TIAM1: variants seen among roughly 807,000 people sequenced by gnomAD.
The protein encoded by TIAM1 is rho guanine nucleotide exchange factor TIAM1.
Under a neutral mutation model 163.5 loss-of-function variants are expected in TIAM1, and 65 were observed. The observed-to-expected ratio is 0.40, with a 90% CI of 0.33 to 0.49. The LOEUF (loss-of-function observed/expected upper bound fraction) is 0.49, where lower values mean the gene tolerates loss of function less well. TIAM1 is among the 20% of genes least tolerant of loss of function. TIAM1 has a pLI of 0.77. For synonymous variants in TIAM1, 833 were observed against 810.1 expected, an observed-to-expected ratio of 1.03 and a Z score of -0.48; for missense variants, 1,789 against 2,044.7, an observed-to-expected ratio of 0.87 and a Z score of 2.41.
At chr21:31,336,222 G>A (rs984583043) in intron 2 of TIAM1, among the ~76,000 whole-genome samples, 2 of 152,160 alleles carry the variant, frequency 1.3e-5, no homozygotes, top group Admixed American at 6.5e-5. Flanking sequence ...GTTATCTTTC[G>A]AATGGGGACA....
intron 1 of TIAM1, among the ~76,000 whole-genome samples, chr21:31,506,471 T>C (rs2047032397): frequency 6.6e-6 from 1 of 152,196 alleles, no homozygotes; most frequent in Non-Finnish European, 1.5e-5. Flanking sequence ...AAACTGAAAG[T>C]CTATACCCGT....
At chr21:31,285,191 C>CCA (rs2073750108) in intron 2 of TIAM1, among the ~76,000 whole-genome samples, 2 of 151,616 alleles carry the variant, frequency 1.3e-5, no homozygotes, top group African/African-American at 4.9e-5. Context: ...AAGCCACCCC[C>CCA]CCAAGCCAAT....
At chr21:31,428,788 T>A (rs1602255895) in intron 2 of TIAM1, among the ~76,000 whole-genome samples, 1 of 148,036 alleles carries the variant, frequency 6.8e-6, no homozygotes, top group South Asian at 2.2e-4. Context: ...GAGGCTGAGG[T>A]GGGAGGCCTT....
intron 1 of TIAM1, among the ~76,000 whole-genome samples, chr21:31,549,568 C>T (rs567306641): frequency 9.2e-5 from 14 of 152,252 alleles, no homozygotes; most frequent in African/African-American, 3.4e-4. Flanking sequence ...ATGTTCTGTT[C>T]AATGACATTA....
rs1208479478 is a variant in TIAM1 at position 31,395,488 on chromosome 21, T to C, written c.-368-56066A>G. Reference sequence around the variant, plus strand: ...GAGGGGCCCTCGGAGACCGAGGTCATCTAAACACAGCCAATCACCAGATAC... The same window carrying C: ...GAGGGGCCCTCGGAGACCGAGGTCACCTAAACACAGCCAATCACCAGATAC... On this transcript the variant is annotated intron_variant, in intron 2 of 28. Transcript: ENST00000286827. This position sits in a 1 kb window ranked among gnomAD's most constrained non-coding sequence, Gnocchi z 7.5. Among the ~76,000 whole-genome samples, 1 of 152,092 alleles carries C rather than the reference T, an allele frequency of 6.6e-6. No homozygotes were observed. The highest frequency in any genetic ancestry group is 6.6e-5 in the Admixed American group (1 of 15,266).
chr21:31,306,345 A>T (rs1204540450), intron 2 of TIAM1, among the ~76,000 whole-genome samples: 2 of 152,206 alleles, frequency 1.3e-5, no homozygotes, highest in Non-Finnish European at 2.9e-5. Flanking sequence ...TAAAATAGGA[A>T]ACTACAAGTC....
intron 2 of TIAM1, among the ~76,000 whole-genome samples, chr21:31,320,104 G>A (rs1006602678): frequency 2.6e-5 from 4 of 152,050 alleles, no homozygotes; most frequent in Non-Finnish European, 5.9e-5. Flanking sequence ...ATGCTTACAT[G>A]TATATAAACA....
chr21:31,254,826 T>C (rs932384843), intron 4 of TIAM1, among the ~76,000 whole-genome samples: 1 of 152,014 alleles, frequency 6.6e-6, no homozygotes, highest in Non-Finnish European at 1.5e-5. Context: ...AGCTAAAACC[T>C]GCAAGTGCAA....
chr21:31,162,678 G>GTCTC (rs1385054920), intron 16 of TIAM1, among the ~76,000 whole-genome samples: 1 of 140,608 alleles, frequency 7.1e-6, no homozygotes, highest in African/African-American at 2.7e-5. Flanking sequence ...GTCCCACACT[G>GTCTC]TCTCCCAGGC....
At chr21:31,355,241 G>C (rs1016569508) in intron 2 of TIAM1, among the ~76,000 whole-genome samples, 1 of 150,528 alleles carries the variant, frequency 6.6e-6, no homozygotes, top group African/African-American at 2.4e-5. Context: ...CACACACACA[G>C]ATACTACTGA....
intron 1 of TIAM1, among the ~76,000 whole-genome samples, chr21:31,465,407 T>C (rs897265242): frequency 1.3e-5 from 2 of 151,930 alleles, no homozygotes; most frequent in African/African-American, 2.4e-5. Context: ...GCTAATATAT[T>C]CTCTTAATAA....
At chr21:31,533,900 C>T (rs1029432702) in intron 1 of TIAM1, among the ~76,000 whole-genome samples, 2 of 152,138 alleles carry the variant, frequency 1.3e-5, no homozygotes, top group East Asian at 1.9e-4. Context: ...TGGAAATGTG[C>T]GGACAGGAGG....
intron 25 of TIAM1, among the ~76,000 whole-genome samples, chr21:31,127,474 G>A (rs1011384578): frequency 4.7e-5 from 7 of 150,326 alleles, no homozygotes; most frequent in Non-Finnish European, 8.9e-5. Context: ...GCCGGAGTGC[G>A]GTGGTGTGAT....
intron 2 of TIAM1, among the ~76,000 whole-genome samples, chr21:31,419,159 T>G (rs1262513104): frequency 1.3e-5 from 2 of 152,160 alleles, no homozygotes; most frequent in Non-Finnish European, 2.9e-5. Flanking sequence ...TTCAGTGAGA[T>G]TCACGTATGA....
chr21:31,204,601 C>G (rs2086357514), intron 11 of TIAM1, among the ~76,000 whole-genome samples: 1 of 152,166 alleles, frequency 6.6e-6, no homozygotes, highest in African/African-American at 2.4e-5. Context: ...TTAACGAACT[C>G]TTAGATACGC....
At chr21:31,447,940 C>T (rs1426991874) in intron 2 of TIAM1, among the ~76,000 whole-genome samples, 1 of 152,060 alleles carries the variant, frequency 6.6e-6, no homozygotes, top group African/African-American at 2.4e-5. Flanking sequence ...AGGCTGAAAG[C>T]AGGAGGGAAA....
intron 2 of TIAM1, among the ~76,000 whole-genome samples, chr21:31,300,980 A>G (rs1223232694): frequency 2.6e-5 from 4 of 152,254 alleles, no homozygotes; most frequent in Non-Finnish European, 5.9e-5. Context: ...CAAGAAAGGC[A>G]GCACCAAAAA....
upstream of TIAM1, among the ~76,000 whole-genome samples, chr21:31,345,791 A>C (rs951780478): frequency 2.0e-5 from 3 of 152,088 alleles, no homozygotes; most frequent in Non-Finnish European, 4.4e-5. Context: ...CTCTACTAAA[A>C]ATACAAAAAT....
chr21:31,440,059 T>C (rs1037662457), intron 2 of TIAM1, among the ~76,000 whole-genome samples: 2 of 152,096 alleles, frequency 1.3e-5, no homozygotes, highest in Non-Finnish European at 1.5e-5. Flanking sequence ...AGGGAAAAAA[T>C]AGTACTCATA....
Sources: gnomAD v4.1 joint callset for allele counts (sites outside exome capture counted in the v4.1 genomes callset) on GRCh38, gnomAD v4.1.1 for gene constraint, Gnocchi (gnomAD v3.1) non-coding constraint, MANE v1.5 for transcripts, NCBI Gene and HGNC (gene_info 2026-07-23, HGNC 2026-07-21) for gene names.